The following USP37 variants were observed in gnomAD, a reference collection of about 807,000 sequenced individuals.
USP37 encodes the protein ubiquitin carboxyl-terminal hydrolase 37.
USP37 carries 27 observed loss-of-function variants against 124.0 expected under a neutral mutation model. That is an observed-to-expected ratio of 0.22 (90% confidence interval 0.16 to 0.30). USP37 has a LOEUF of 0.30. Ranked by LOEUF, USP37 falls within the 10% of genes least tolerant of loss-of-function variation. USP37 has a pLI of 1.00. For missense variants in USP37, 889 were observed against 1,140.4 expected, an observed-to-expected ratio of 0.78 and a Z score of 3.17; for synonymous variants, 365 against 388.0, an observed-to-expected ratio of 0.94 and a Z score of 0.70.
Position 218,457,100 on chromosome 2 carries a change from G to C in USP37, c.2705C>G (p.Ser902Cys). Residue 902 changes from serine to cysteine, a missense_variant, in exon 24 of 26, where the codon TCT (serine) becomes TGT (cysteine). Physicochemically the swap from Ser to Cys is moderately radical, Grantham distance 112. Coordinates refer to ENST00000258399, the MANE Select transcript of USP37 (RefSeq NM_020935.3). ...ISVVSHIGSTSSSGHYISDVY... is the reference protein window; with the variant it reads ...ISVVSHIGSTCSSGHYISDVY... ...TCATGATGGCTATTCACCTGAAGAA[G>C]AAGTGCTACCAATGTGACTGACAAC... 3.7e-6 allele frequency: 6 copies of C among 1,613,802 alleles called. No homozygotes were observed. Among genetic ancestry groups the C allele is most frequent in the Non-Finnish European group, 5.1e-6 (6 of 1,179,910 alleles).
intron 9 of USP37, among the ~76,000 whole-genome samples, chr2:218,532,216 C>G (rs1691367009): frequency 6.6e-6 from 1 of 152,102 alleles, no homozygotes; most frequent in African/African-American, 2.4e-5. Flanking sequence ...GTCTGTAATA[C>G]CAGCACTTTG....
At position 218,479,707 on chromosome 2, in the gene USP37, G is replaced by A. The variant is rs1691145785; in HGVS notation, c.1844C>T (p.Pro615Leu). ...ATTCACCATTTGAGAGGCTTTCAAT[G>A]GTCTAGAACTATCAGAAAATTAGAA... ...GWSAHMAISR[P>L]LKASQMVNSC... Residue 615 changes from proline to leucine, a missense_variant, in exon 18 of 26, where the codon CCA becomes CTA. By Grantham distance (98) the Pro-to-Leu change is moderately conservative. Coordinates refer to ENST00000258399, the MANE Select transcript of USP37 (RefSeq NM_020935.3). 2.5e-6 allele frequency: 4 copies of A among 1,593,944 alleles called. No individual in the cohort carries two copies. In the East Asian group the frequency reaches 9.1e-5, roughly 36 times the overall value.
chr2:218,518,566 C>A (rs2106011482), intron 10 of USP37, among the ~76,000 whole-genome samples: 1 of 152,310 alleles, frequency 6.6e-6, no homozygotes, highest in African/African-American at 2.4e-5. Context: ...ATAATGACTT[C>A]TATGGCTTAG....
intron 8 of USP37, among the ~76,000 whole-genome samples, chr2:218,536,663 C>T (rs1332425817): frequency 2.0e-5 from 3 of 152,202 alleles, no homozygotes; most frequent in Admixed American, 6.5e-5. Context: ...GCTTTCCTTA[C>T]TCCCTTCACT....
chr2:218,548,515 AT>A (rs11307268), intron 6 of USP37, among the ~76,000 whole-genome samples: 151,213 of 151,562 alleles, frequency 1, 75,433 homozygotes, highest in Middle Eastern at 1. Context: ...TAATTTATGT[AT>A]TTTTTTTTGT....
chr2:218,543,848 C>T (rs943519137), intron 8 of USP37, among the ~76,000 whole-genome samples: 1 of 152,014 alleles, frequency 6.6e-6, no homozygotes, highest in South Asian at 2.1e-4. Context: ...AAAAACATAG[C>T]TCTCTGTGCC....
rs1689570854 is a variant in USP37, at chr2:218,453,998, C to T, written c.*932G>A. Reference sequence around the variant, plus strand: ...TCCCTAAGTATTCCTGCTGGGGAGTCCCAATTGGAGAAATATTATCTTTCT... The same window carrying T: ...TCCCTAAGTATTCCTGCTGGGGAGTTCCAATTGGAGAAATATTATCTTTCT... On this transcript the variant is annotated 3_prime_UTR_variant, in exon 26 of 26. Transcript: ENST00000258399. The T allele has an allele frequency of 1.3e-5, 2 of 152,280 alleles. No individual in the cohort carries two copies. The highest frequency in any genetic ancestry group is 2.1e-4 in the South Asian group (1 of 4,826). 9.4% of individuals were successfully genotyped at this position (152,280 alleles called of 1,614,324 possible).
chr2:218,475,609 CACCTGTAGTCCCAGCT>C (rs1335693937), intron 19 of USP37, among the ~76,000 whole-genome samples: 1 of 152,092 alleles, frequency 6.6e-6, no homozygotes, highest in Non-Finnish European at 1.5e-5. Context: ...TGGTGGCACG[CACCTGTAGTCCCAGCT>C]ACTAGGGAGA....
chr2:218,520,606 C>G (rs1485692939), intron 10 of USP37, among the ~76,000 whole-genome samples: 2 of 152,136 alleles, frequency 1.3e-5, no homozygotes, highest in East Asian at 3.9e-4. Flanking sequence ...CCCACCACAG[C>G]CTCCCAAAGT....
intron 11 of USP37, 141 bp from the exon 12 acceptor site, chr2:218,498,298 G>A: frequency 1.2e-6 from 1 of 808,218 alleles, no homozygotes; most frequent in South Asian, 2.9e-5. Flanking sequence ...TAACCCCAAG[G>A]TTTCTGATTC....
At chr2:218,467,167 C>A (rs2106412009) in intron 20 of USP37, among the ~76,000 whole-genome samples, 1 of 150,932 alleles carries the variant, frequency 6.6e-6, no homozygotes. Context: ...GGTAAGAAAT[C>A]CCCTCCCCCC....
intron 10 of USP37, among the ~76,000 whole-genome samples, chr2:218,526,227 T>C (rs1690953123): frequency 6.6e-6 from 1 of 152,114 alleles, no homozygotes; most frequent in South Asian, 2.1e-4. Flanking sequence ...CTGGGTTGAA[T>C]GGTTATTTAT....
At chr2:218,517,675 A>C (rs1690373172) in intron 10 of USP37, among the ~76,000 whole-genome samples, 1 of 152,156 alleles carries the variant, frequency 6.6e-6, no homozygotes, top group Non-Finnish European at 1.5e-5. Context: ...TTTCACTATG[A>C]CATGCCTAAG....
At chr2:218,461,546 A>G (rs1690015245) in intron 22 of USP37, among the ~76,000 whole-genome samples, 1 of 152,058 alleles carries the variant, frequency 6.6e-6, no homozygotes, top group Non-Finnish European at 1.5e-5. Context: ...TAAGAATGTG[A>G]AGAACAGGAA....
chr2:218,563,027 G>A (rs1693392063), intron 1 of USP37, among the ~76,000 whole-genome samples: 1 of 151,984 alleles, frequency 6.6e-6, no homozygotes, highest in Non-Finnish European at 1.5e-5. Flanking sequence ...GCTGGGCGTG[G>A]CAGTGCATGT....
In USP37 at chr2:218,548,363, CAG is replaced by C. The variant is rs533605021; in HGVS notation, c.430-1274_430-1273del. 1.6e-3 allele frequency among the ~76,000 whole-genome samples: 234 copies of C among 150,790 alleles called. 2 individuals are homozygous for C. The highest frequency in any genetic ancestry group is 5.5e-3 in the African/African-American group (221 of 40,192). ...ATATATTACATATATATATTTAAGA[CAG>C]AGTCTTACTCTGTCAACCAGGCTGG... On this transcript the variant is annotated intron_variant, in intron 6 of 25. Coordinates refer to ENST00000258399, the MANE Select transcript of USP37 (RefSeq NM_020935.3).
intron 14 of USP37, among the ~76,000 whole-genome samples, chr2:218,494,576 G>C (rs1296306181): frequency 1.3e-5 from 2 of 152,204 alleles, no homozygotes; most frequent in African/African-American, 4.8e-5. Context: ...GGATATGATA[G>C]GGCGGTATAC....
intron 14 of USP37, among the ~76,000 whole-genome samples, chr2:218,495,514 C>T (rs1689037695): frequency 6.6e-6 from 1 of 151,998 alleles, no homozygotes; most frequent in East Asian, 1.9e-4. Flanking sequence ...TCCCCTATGA[C>T]GTAGAAAGGA....
intron 10 of USP37, among the ~76,000 whole-genome samples, chr2:218,512,116 G>A (rs1371216592): frequency 6.6e-6 from 1 of 152,144 alleles, no homozygotes; most frequent in Non-Finnish European, 1.5e-5. Flanking sequence ...GGCACAGGTG[G>A]CTTATGCCTG....
Sources: gnomAD v4.1 joint callset for allele counts (sites outside exome capture counted in the v4.1 genomes callset) on GRCh38, gnomAD v4.1.1 for gene constraint, MANE v1.5 for transcripts, NCBI Gene and HGNC (gene_info 2026-07-23, HGNC 2026-07-21) for gene names.